The following TMEM45A variants were observed in gnomAD, a reference collection of about 807,000 sequenced individuals.
TMEM45A encodes DNA polymerase-transactivated protein 4.
Under a neutral mutation model 32.0 loss-of-function variants are expected in TMEM45A, and 25 were observed. The ratio of observed to expected loss-of-function variants is 0.78; its 90% CI spans 0.57 to 1.09. The LOEUF (loss-of-function observed/expected upper bound fraction) is 1.09, where lower values mean the gene tolerates loss of function less well. TMEM45A is among the 50% of genes least tolerant of loss of function. The pLI is 0.00. For missense variants in TMEM45A, 302 were observed against 325.0 expected (o/e 0.93, Z 0.54); for synonymous variants, 122 against 114.8 (o/e 1.06, Z -0.40).
At chr3:100,535,653 T>C (rs1705727520) in intron 1 of TMEM45A, among the ~76,000 whole-genome samples, 1 of 152,186 alleles carries the variant, frequency 6.6e-6, no homozygotes, top group South Asian at 2.1e-4. Flanking sequence ...GCAAATATAA[T>C]TGGTAGTGAT....
intron 1 of TMEM45A, among the ~76,000 whole-genome samples, chr3:100,545,525 T>C (rs1332112315): frequency 6.6e-6 from 1 of 152,230 alleles, no homozygotes; most frequent in East Asian, 1.9e-4. Context: ...TGAGTTTATT[T>C]ATGCTCTTCC....
intron 2 of TMEM45A, among the ~76,000 whole-genome samples, chr3:100,555,675 A>G (rs1287040030): frequency 2.0e-5 from 3 of 152,236 alleles, no homozygotes; most frequent in Admixed American, 1.3e-4. Flanking sequence ...AGATTAGGCC[A>G]GATGACTTCT....
intron 1 of TMEM45A, among the ~76,000 whole-genome samples, chr3:100,552,893 T>A (rs1576286314): frequency 1.3e-5 from 2 of 152,200 alleles, no homozygotes. Flanking sequence ...AGGAGTTCAA[T>A]AACCACAGAT....
intron 1 of TMEM45A, among the ~76,000 whole-genome samples, chr3:100,498,392 C>T (rs896923346): frequency 6.6e-6 from 1 of 152,136 alleles, no homozygotes; most frequent in Non-Finnish European, 1.5e-5. Flanking sequence ...TTGAAGGCCT[C>T]AATAGAAAAA....
intron 1 of TMEM45A, among the ~76,000 whole-genome samples, chr3:100,538,705 T>C (rs987534142): frequency 2.6e-5 from 4 of 152,166 alleles, no homozygotes; most frequent in African/African-American, 9.7e-5. Context: ...TGGAACTAAG[T>C]GATTTTTAGC....
intron 1 of TMEM45A, among the ~76,000 whole-genome samples, chr3:100,524,078 T>C (rs1168217371): frequency 2.6e-5 from 4 of 152,220 alleles, no homozygotes; most frequent in Non-Finnish European, 5.9e-5. Flanking sequence ...AGAATGTCTG[T>C]GGGATTCACT....
At chr3:100,502,424 G>T (rs1708019195) in intron 1 of TMEM45A, among the ~76,000 whole-genome samples, 1 of 152,114 alleles carries the variant, frequency 6.6e-6, no homozygotes, top group Non-Finnish European at 1.5e-5. Flanking sequence ...AATAAGAAAT[G>T]CATTTAGAAA....
At chr3:100,540,860 G>A (rs1705859497) in intron 1 of TMEM45A, among the ~76,000 whole-genome samples, 1 of 152,144 alleles carries the variant, frequency 6.6e-6, no homozygotes, top group African/African-American at 2.4e-5. Context: ...TAATGGAATT[G>A]CTGGGTCAAA....
chr3:100,575,860 G>A (rs1706674295), intron 5 of TMEM45A, among the ~76,000 whole-genome samples: 1 of 152,202 alleles, frequency 6.6e-6, no homozygotes, highest in Non-Finnish European at 1.5e-5. Flanking sequence ...GCCTTGACTT[G>A]GGCTGCCAAC....
At chr3:100,517,072 C>T (rs1708274178) in intron 1 of TMEM45A, among the ~76,000 whole-genome samples, 1 of 152,020 alleles carries the variant, frequency 6.6e-6, no homozygotes, top group South Asian at 2.1e-4. Context: ...ACTGATGGTG[C>T]TGAATCATGA....
At chr3:100,524,097 C>A (rs1705494299) in intron 1 of TMEM45A, among the ~76,000 whole-genome samples, 1 of 152,188 alleles carries the variant, frequency 6.6e-6, no homozygotes, top group Non-Finnish European at 1.5e-5. Flanking sequence ...CTCATAGAAA[C>A]CCTGGAAAGT....
intron 3 of TMEM45A, among the ~76,000 whole-genome samples, chr3:100,557,629 G>A (rs1706249779): frequency 6.6e-6 from 1 of 151,984 alleles, no homozygotes; most frequent in Admixed American, 6.5e-5. Context: ...AAATTGATCA[G>A]GAGGCAGTCA....
chr3:100,549,835 T>TG (rs1263710187), intron 1 of TMEM45A, among the ~76,000 whole-genome samples: 1 of 151,850 alleles, frequency 6.6e-6, no homozygotes, highest in African/African-American at 2.4e-5. Context: ...TTTTTGTTCT[T>TG]GCGATAGTTT....
chr3:100,522,338 TTTG>T (rs1337040669), intron 1 of TMEM45A, among the ~76,000 whole-genome samples: 1 of 152,194 alleles, frequency 6.6e-6, no homozygotes, highest in African/African-American at 2.4e-5. Flanking sequence ...GGATTGCACC[TTTG>T]TTGACAGTCT....
At chr3:100,575,560 C>T (rs533002863) in intron 5 of TMEM45A, among the ~76,000 whole-genome samples, 17 of 152,040 alleles carry the variant, frequency 1.1e-4, no homozygotes, top group South Asian at 4.2e-4. Flanking sequence ...TTAGTAGAGA[C>T]GGAGTTTTGC....
At chr3:100,554,516 A>G (rs72917810) in intron 1 of TMEM45A, among the ~76,000 whole-genome samples, 8,922 of 152,258 alleles carry the variant, frequency 0.059, 905 homozygotes, top group African/African-American at 0.2. Flanking sequence ...TGCTAGTTCA[A>G]CTTATAGTGT....
intron 5 of TMEM45A, among the ~76,000 whole-genome samples, chr3:100,575,363 C>CTTTTTT (rs59739893): frequency 6.4e-5 from 4 of 62,706 alleles, no homozygotes; most frequent in African/African-American, 1.6e-4. Context: ...TATGGATTCT[C>CTTTTTT]TTTTTTTTTT....
At chr3:100,511,460 G>A (rs1047187323) in intron 1 of TMEM45A, among the ~76,000 whole-genome samples, 12 of 151,894 alleles carry the variant, frequency 7.9e-5, no homozygotes, top group African/African-American at 2.7e-4. Flanking sequence ...CCCTAAAAGA[G>A]CTCCTGAAGG....
intron 1 of TMEM45A, among the ~76,000 whole-genome samples, chr3:100,506,331 G>A (rs1708079891): frequency 6.6e-6 from 1 of 151,928 alleles, no homozygotes; most frequent in African/African-American, 2.4e-5. Context: ...GCTCATCCCA[G>A]AACAGAGTTC....
Sources: gnomAD v4.1 joint callset for allele counts (sites outside exome capture counted in the v4.1 genomes callset) on GRCh38, gnomAD v4.1.1 for gene constraint, MANE v1.5 for transcripts, NCBI Gene and HGNC (gene_info 2026-07-23, HGNC 2026-07-21) for gene names.